Variants in STK24 observed in about 807,000 individuals in gnomAD.
STK24 encodes the protein serine/threonine-protein kinase 24.
A neutral mutation model predicts 55.6 loss-of-function variants in STK24; 21 were observed. The observed-to-expected ratio is 0.38, with a 90% CI of 0.27 to 0.54. The LOEUF is 0.54. Among genes scored for constraint, STK24 ranks in the 20% least tolerant of loss-of-function variants. STK24 has a pLI of 0.79. For missense variants in STK24, 383 were observed against 538.4 expected (o/e 0.71, Z 2.86); for synonymous variants, 200 against 215.2 (o/e 0.93, Z 0.62).
intron 1 of STK24, among the ~76,000 whole-genome samples, chr13:98,550,417 C>A (rs1897131033): frequency 6.6e-6 from 1 of 152,118 alleles, no homozygotes; most frequent in African/African-American, 2.4e-5. Flanking sequence ...GTAGTCCCTG[C>A]TACTTCGAAG....
chr13:98,573,397 G>A (rs1897792201), intron 1 of STK24, among the ~76,000 whole-genome samples: 1 of 152,184 alleles, frequency 6.6e-6, no homozygotes, highest in Admixed American at 6.5e-5. Flanking sequence ...GAAAGACGGA[G>A]TACTTATAGC....
intron 1 of STK24, 67 bp downstream of exon 1, chr13:98,576,678 G>A (rs1324516064): frequency 7.4e-7 from 1 of 1,359,392 alleles, no homozygotes; most frequent in South Asian, 1.3e-5. Flanking sequence ...GACGCCGTGT[G>A]GATACCGCCA....
chr13:98,525,852 T>A (rs1319175812), intron 1 of STK24, among the ~76,000 whole-genome samples: 1 of 152,196 alleles, frequency 6.6e-6, no homozygotes, highest in Non-Finnish European at 1.5e-5. Context: ...GTCTGACACA[T>A]CCCATGCAGG....
chr13:98,458,358 C>T (rs1040873084), intron 9 of STK24, among the ~76,000 whole-genome samples: 2 of 152,214 alleles, frequency 1.3e-5, no homozygotes, highest in African/African-American at 4.8e-5. Flanking sequence ...AGAAACATCT[C>T]AGGCGACATT....
chr13:98,446,817 G>C lies in STK24; in HGVS notation c.*6356C>G. The C allele has an allele frequency of 6.2e-7, 1 of 1,614,040 alleles. No individual in the cohort carries two copies. The highest frequency in any genetic ancestry group is 8.5e-7 in the Non-Finnish European group (1 of 1,179,974). ...GCGGAAAGCGAGTACACGTTCGAAA[G>C]GTAGACACCCCCTTCCCACGCACAG... On this transcript the variant is annotated 3_prime_UTR_variant, in exon 11 of 11. Coordinates refer to ENST00000539966, the MANE Select transcript of STK24 (RefSeq NM_001032296.4).
At chr13:98,562,661 G>A (rs1168859002) in intron 1 of STK24, among the ~76,000 whole-genome samples, 2 of 152,062 alleles carry the variant, frequency 1.3e-5, no homozygotes, top group Non-Finnish European at 2.9e-5. Context: ...CACGCCTGTA[G>A]TCCCAGCACT....
intron 2 of STK24, among the ~76,000 whole-genome samples, chr13:98,510,350 C>T (rs993986558): frequency 8.5e-5 from 13 of 152,184 alleles, no homozygotes; most frequent in African/African-American, 3.1e-4. Context: ...AGGGAAGGGT[C>T]GCTAGCTACT....
chr13:98,527,615 G>A (rs1386115075), intron 1 of STK24, among the ~76,000 whole-genome samples: 1 of 152,138 alleles, frequency 6.6e-6, no homozygotes, highest in Non-Finnish European at 1.5e-5. Flanking sequence ...CCACCTCCAT[G>A]TGCCCCTGTG....
intron 9 of STK24, among the ~76,000 whole-genome samples, chr13:98,457,560 C>T (rs1299353347): frequency 6.6e-6 from 1 of 151,260 alleles, no homozygotes; most frequent in Non-Finnish European, 1.5e-5. Flanking sequence ...ACCTCCGCCT[C>T]CTGGGTTCCA....
At chr13:98,471,498 GACTCCTTC>G (rs1243904072) in intron 5 of STK24, among the ~76,000 whole-genome samples, 2 of 152,194 alleles carry the variant, frequency 1.3e-5, no homozygotes, top group Non-Finnish European at 2.9e-5. Context: ...AAAGGATGGG[GACTCCTTC>G]AAACAAACCA....
chr13:98,527,156 G>GA (rs1433576914), intron 1 of STK24, among the ~76,000 whole-genome samples: 2 of 152,182 alleles, frequency 1.3e-5, no homozygotes, highest in Non-Finnish European at 1.5e-5. Context: ...GAGAATAACT[G>GA]AAAAATCAGA....
At chr13:98,530,565 G>A (rs1291155008) in intron 1 of STK24, among the ~76,000 whole-genome samples, 3 of 152,068 alleles carry the variant, frequency 2.0e-5, no homozygotes, top group Admixed American at 6.5e-5. Context: ...ATGGCCATCC[G>A]ACTCCAAACA....
chr13:98,525,696 G>A (rs971079887), intron 1 of STK24, among the ~76,000 whole-genome samples: 4 of 152,108 alleles, frequency 2.6e-5, no homozygotes, highest in Non-Finnish European at 4.4e-5. Flanking sequence ...ACCGAGCCTC[G>A]AGCCCCACAA....
intron 1 of STK24, among the ~76,000 whole-genome samples, chr13:98,531,805 G>A (rs9517338): frequency 0.17 from 26,163 of 152,024 alleles, 2,364 homozygotes; most frequent in South Asian, 0.25. Flanking sequence ...GATGCCTATC[G>A]TCCCCACAAT....
At chr13:98,479,295 T>A (rs1894500394) in intron 3 of STK24, among the ~76,000 whole-genome samples, 1 of 152,196 alleles carries the variant, frequency 6.6e-6, no homozygotes, top group South Asian at 2.1e-4. Flanking sequence ...TTATTTTAAA[T>A]TTTTTTAAAT....
At chr13:98,569,774 T>C (rs1273144239) in intron 1 of STK24, among the ~76,000 whole-genome samples, 2 of 150,642 alleles carry the variant, frequency 1.3e-5, no homozygotes, top group Non-Finnish European at 2.9e-5. Context: ...GGAGCCCATG[T>C]GAGGAAAAGA....
At chr13:98,516,233 A>C (rs1430840644) in intron 2 of STK24, among the ~76,000 whole-genome samples, 1 of 152,222 alleles carries the variant, frequency 6.6e-6, no homozygotes, top group East Asian at 1.9e-4. Flanking sequence ...CAAATAAGAC[A>C]ATTGTCCTTC....
At chr13:98,466,612 T>A in intron 5 of STK24, 51 bp from the exon 6 acceptor site, 1 of 1,587,070 alleles carries the variant, frequency 6.3e-7, no homozygotes, top group Non-Finnish European at 8.6e-7. Flanking sequence ...TCTATTCCAA[T>A]ACACAGTATT....
intron 1 of STK24, among the ~76,000 whole-genome samples, chr13:98,549,601 C>G (rs1897112414): frequency 6.6e-6 from 1 of 152,168 alleles, no homozygotes; most frequent in African/African-American, 2.4e-5. Context: ...ACTGCTCCCA[C>G]TCTCGCCATG....
Sources: gnomAD v4.1 joint callset for allele counts (sites outside exome capture counted in the v4.1 genomes callset) on GRCh38, gnomAD v4.1.1 for gene constraint, MANE v1.5 for transcripts, NCBI Gene and HGNC (gene_info 2026-07-23, HGNC 2026-07-21) for gene names.